Variants in ADCY8 observed in about 807,000 individuals in gnomAD.
The protein encoded by ADCY8 is adenylate cyclase type 8.
Under a neutral mutation model 119.7 loss-of-function variants are expected in ADCY8, and 51 were observed. The observed-to-expected ratio is 0.43, with a 90% CI of 0.34 to 0.54. The LOEUF is 0.54. ADCY8 is among the 20% of genes least tolerant of loss of function. The probability of loss-of-function intolerance (pLI) is 0.03; values close to 1 mark genes in which losing one functional copy is unlikely to be tolerated. For missense variants in ADCY8, 1,383 were observed against 1,598.8 expected (o/e 0.87, Z 2.30); for synonymous variants, 665 against 651.0 (o/e 1.02, Z -0.33).
chr8:131,040,350 G>C lies in ADCY8; in HGVS notation c.-17C>G, dbSNP rs1196205155. ...GAGCTCCATGGCTCTGGGCCGCAGG[G>C]AAGGAGGCCCAGAACCTTGGGGAGG... On this transcript the variant is annotated 5_prime_UTR_variant, in exon 1 of 18. Transcript: ENST00000286355. 1.4e-6 allele frequency: 2 copies of C among 1,474,492 alleles called. No homozygotes were observed. The highest frequency in any genetic ancestry group is 2.5e-5 in the East Asian group (1 of 40,620). 91.3% of individuals were successfully genotyped at this position (1,474,492 alleles called of 1,614,324 possible).
intron 1 of ADCY8, among the ~76,000 whole-genome samples, chr8:130,999,755 T>C (rs753349528): frequency 6.6e-6 from 1 of 152,186 alleles, no homozygotes; most frequent in African/African-American, 2.4e-5. Context: ...TCAAGTGTGA[T>C]TGTGTGCGTG....
chr8:130,961,766 A>T (rs1436348471), intron 2 of ADCY8, among the ~76,000 whole-genome samples: 1 of 152,134 alleles, frequency 6.6e-6, no homozygotes, highest in Non-Finnish European at 1.5e-5. Flanking sequence ...TTCTAAGTAA[A>T]TATTTCTCGA....
In ADCY8 at chr8:130,903,972, T is replaced by C. The variant is rs1819694608; in HGVS notation, c.1711A>G (p.Lys571Glu). Residue 571 changes from lysine (K) to glutamate (E), a missense_variant, in exon 7 of 18, where the codon AAA becomes GAA. Lys to Glu is a moderately conservative substitution (Grantham distance 56). This residue lies in a region of ADCY8 where 928 missense variants were observed against 1,163.5 expected (regional missense o/e 0.80). Coordinates refer to ENST00000286355, the MANE Select transcript of ADCY8 (RefSeq NM_001115.3). Reference protein sequence around the residue: ...GDYNVEEGHGKERNEFLRKHN... With the variant: ...GDYNVEEGHGEERNEFLRKHN... The stretch of plus-strand genomic sequence containing the variant: ...TTCCTCAGGAATTCATTCCTCTCTT[T>C]ACCATGGCCCTCTTCCACGTTATAG... 3 of 1,614,050 alleles carry C rather than the reference T, an allele frequency of 1.9e-6. No homozygotes were observed. In the African/African-American group the frequency reaches 4.0e-5, roughly 22 times the overall value.
intron 12 of ADCY8, among the ~76,000 whole-genome samples, chr8:130,825,728 C>G (rs570625395): frequency 1.3e-5 from 2 of 152,316 alleles, no homozygotes; most frequent in East Asian, 3.9e-4. Context: ...CTTAAATCTT[C>G]CTTGAAGAAT....
At chr8:130,906,721 A>AT in intron 6 of ADCY8, among the ~76,000 whole-genome samples, 1 of 152,116 alleles carries the variant, frequency 6.6e-6, no homozygotes, top group Middle Eastern at 3.4e-3. Context: ...GCATTTTCTG[A>AT]TAAATTTTAA....
chr8:130,846,077 C>T (rs1446870732), intron 11 of ADCY8, among the ~76,000 whole-genome samples: 2 of 152,064 alleles, frequency 1.3e-5, no homozygotes, highest in African/African-American at 2.4e-5. Context: ...GGCTTGGTCT[C>T]CTTGTTGGAA....
At chr8:130,921,563 C>A (rs929221286) in intron 5 of ADCY8, among the ~76,000 whole-genome samples, 2 of 151,028 alleles carry the variant, frequency 1.3e-5, no homozygotes, top group East Asian at 3.9e-4. Context: ...CAGCAATTCT[C>A]CTGCCTCAGC....
chr8:130,989,658 G>T (rs1239392674), intron 2 of ADCY8, among the ~76,000 whole-genome samples: 1 of 152,106 alleles, frequency 6.6e-6, no homozygotes, highest in Non-Finnish European at 1.5e-5. Context: ...ATTGTGTTCA[G>T]AACAAAGGTA....
At chr8:131,037,604 G>A (rs1004049967) in intron 1 of ADCY8, among the ~76,000 whole-genome samples, 2 of 152,030 alleles carry the variant, frequency 1.3e-5, no homozygotes, top group East Asian at 1.9e-4. Context: ...ATGCTTTATC[G>A]TGAAAACAAC....
At chr8:130,912,826 A>G (rs1224132577) in intron 5 of ADCY8, among the ~76,000 whole-genome samples, 1 of 152,148 alleles carries the variant, frequency 6.6e-6, no homozygotes, top group Non-Finnish European at 1.5e-5. Context: ...ATGGTACTTT[A>G]TATCTACTGA....
chr8:130,928,280 T>C (rs1820531569), intron 5 of ADCY8, among the ~76,000 whole-genome samples: 1 of 152,154 alleles, frequency 6.6e-6, no homozygotes, highest in Non-Finnish European at 1.5e-5. Flanking sequence ...CTATTATTGC[T>C]CAGGCTAGTC....
chr8:130,941,897 A>G (rs1297100132), intron 4 of ADCY8, among the ~76,000 whole-genome samples: 1 of 152,254 alleles, frequency 6.6e-6, no homozygotes, highest in Non-Finnish European at 1.5e-5. Context: ...TGTATAAATT[A>G]TGTATAATAA....
chr8:130,947,813 T>C (rs1821148328), intron 3 of ADCY8, among the ~76,000 whole-genome samples: 1 of 152,088 alleles, frequency 6.6e-6, no homozygotes, highest in Non-Finnish European at 1.5e-5. Flanking sequence ...GCAGGGCCAA[T>C]AGGAAATGGG....
At chr8:131,034,382 TC>T (rs1824085928) in intron 1 of ADCY8, among the ~76,000 whole-genome samples, 1 of 152,052 alleles carries the variant, frequency 6.6e-6, no homozygotes, top group Non-Finnish European at 1.5e-5. Flanking sequence ...TGTATTTAAG[TC>T]ACATAGAAAG....
rs1824351769 is a variant in ADCY8 at position 131,040,377 on chromosome 8, A to G, written c.-44T>C. On this transcript the variant is annotated 5_prime_UTR_variant, in exon 1 of 18. Transcript: ENST00000286355. Reference sequence around the variant, plus strand: ...AGGAGGCCCAGAACCTTGGGGAGGCAGCCGGAGGAGGGGTTCCTAAAGACT... The same window carrying G: ...AGGAGGCCCAGAACCTTGGGGAGGCGGCCGGAGGAGGGGTTCCTAAAGACT... 6.9e-7 allele frequency: 1 copy of G among 1,446,254 alleles called. No homozygotes were observed. The highest frequency in any genetic ancestry group is 1.6e-5 in the South Asian group (1 of 64,030). The allele number at this position is 1,446,254 out of a possible 1,614,324, so 89.6% of individuals were successfully genotyped here. A position where few individuals can be genotyped will look rare whatever the true frequency, so the allele number is the denominator to read the frequency against.
At chr8:130,939,189 CAAATATATTTTTAACACCAGA>C (rs930071220) in intron 4 of ADCY8, among the ~76,000 whole-genome samples, 2 of 151,848 alleles carry the variant, frequency 1.3e-5, no homozygotes, top group African/African-American at 4.8e-5. Flanking sequence ...CTTATAAAAG[CAAATATATTTTTAACACCAGA>C]ACTACTGGAA....
chr8:130,998,695 C>A (rs1480087261), intron 1 of ADCY8, among the ~76,000 whole-genome samples: 1 of 152,100 alleles, frequency 6.6e-6, no homozygotes, highest in Admixed American at 6.6e-5. Flanking sequence ...CAAGAGTCTC[C>A]TTGAAAAGAG....
At chr8:130,847,539 GAACAAC>G in intron 10 of ADCY8, 26 bp from the exon 11 acceptor site, 1 of 1,211,360 alleles carries the variant, frequency 8.3e-7, no homozygotes, top group Non-Finnish European at 1.2e-6. Flanking sequence ...AAAAAAAAAA[GAACAAC>G]AAAAACAAAA....
intron 6 of ADCY8, among the ~76,000 whole-genome samples, chr8:130,908,872 A>G (rs1819876806): frequency 6.6e-6 from 1 of 152,196 alleles, no homozygotes; most frequent in Non-Finnish European, 1.5e-5. Context: ...TTCCCCCATG[A>G]TAACATATTA....
Sources: gnomAD v4.1 joint callset for allele counts (sites outside exome capture counted in the v4.1 genomes callset) on GRCh38, gnomAD v4.1.1 for gene constraint, gnomAD v4.1.1 regional missense constraint, MANE v1.5 for transcripts, NCBI Gene and HGNC (gene_info 2026-07-23, HGNC 2026-07-21) for gene names.